Variants in PLEKHH2 observed in about 807,000 individuals in gnomAD.
PLEKHH2 encodes the protein pleckstrin homology, MyTH4 and FERM domain containing H2.
A neutral mutation model predicts 187.9 loss-of-function variants in PLEKHH2; 129 were observed. The observed-to-expected ratio is 0.69, with a 90% CI of 0.59 to 0.79. PLEKHH2 has a LOEUF of 0.79. PLEKHH2 is among the 30% of genes least tolerant of loss of function. The probability of loss-of-function intolerance (pLI) is 0.00; values close to 1 mark genes in which losing one functional copy is unlikely to be tolerated. For missense variants in PLEKHH2, 2,076 were observed against 1,751.2 expected, an observed-to-expected ratio of 1.19 and a Z score of -3.31; for synonymous variants, 686 against 605.6, an observed-to-expected ratio of 1.13 and a Z score of -1.95.
In PLEKHH2 at chr2:43,758,912, G is replaced by T. The variant is rs943378862; in HGVS notation, c.3954G>T (p.Gln1318His). ...CSEEQLRQLC[Q>H]RLSTRWMALR... Reference sequence around the variant, plus strand: ...TCTTTTTTTTTAGGCAGCTTTGCCAGCGACTTTCAACCAGATGGATGGCCC... The same window carrying T: ...TCTTTTTTTTTAGGCAGCTTTGCCATCGACTTTCAACCAGATGGATGGCCC... Residue 1318 changes from glutamine to histidine, a missense_variant, in exon 27 of 30, where the codon CAG (glutamine) becomes CAT (histidine). Coordinates refer to ENST00000282406, the MANE Select transcript of PLEKHH2 (RefSeq NM_172069.4). 1 of 1,577,306 alleles carries T rather than the reference G, an allele frequency of 6.3e-7. No individual in the cohort carries two copies. The highest frequency in any genetic ancestry group is 1.4e-5 in the African/African-American group (1 of 73,198).
Position 43,726,271 on chromosome 2 carries a change from G to A in PLEKHH2, c.2542-1G>A. On this transcript the variant is annotated splice_acceptor_variant, in intron 16 of 29. Transcript: ENST00000282406. LOFTEE classifies it high-confidence loss of function. Reference sequence around the variant, plus strand: ...CTCACAATTACTAATATTTACTTTAGTTTCCTTTAGGTCAGATCAAACTCT... The same window carrying A: ...CTCACAATTACTAATATTTACTTTAATTTCCTTTAGGTCAGATCAAACTCT... 6.3e-7 allele frequency: 1 copy of A among 1,592,348 alleles called. No homozygotes were observed. The highest frequency in any genetic ancestry group is 8.6e-7 in the Non-Finnish European group (1 of 1,164,100).
chr2:43,649,684 C>T (rs548905525), intron 2 of PLEKHH2, among the ~76,000 whole-genome samples: 3 of 152,158 alleles, frequency 2.0e-5, no homozygotes, highest in Non-Finnish European at 4.4e-5. Flanking sequence ...ACAATGGGAC[C>T]GTATAGGCTA....
At chr2:43,667,581 C>G (rs913672510) in intron 2 of PLEKHH2, among the ~76,000 whole-genome samples, 1 of 152,068 alleles carries the variant, frequency 6.6e-6, no homozygotes, top group African/African-American at 2.4e-5. Context: ...TTGGTATATC[C>G]GTATAGTGGA....
At chr2:43,707,323 C>A in intron 10 of PLEKHH2, 78 bp from the exon 11 acceptor site, 2 of 1,558,424 alleles carry the variant, frequency 1.3e-6, no homozygotes, top group Admixed American at 1.7e-5. Context: ...GGAGGCGACC[C>A]TAATAACTAG....
intron 23 of PLEKHH2, among the ~76,000 whole-genome samples, chr2:43,744,372 A>C (rs138482401): frequency 3.3e-5 from 5 of 152,214 alleles, no homozygotes; most frequent in Non-Finnish European, 7.3e-5. Context: ...TGGGGAATAC[A>C]AAAGGACCAG....
intron 23 of PLEKHH2, among the ~76,000 whole-genome samples, chr2:43,744,883 A>AG (rs1318927774): frequency 4.1e-5 from 6 of 147,710 alleles, no homozygotes; most frequent in African/African-American, 1.5e-4. Flanking sequence ...AAAAAAAAAA[A>AG]AAAAGAAAAA....
intron 7 of PLEKHH2, 69 bp from the exon 8 acceptor site, chr2:43,699,578 A>T: frequency 1.3e-6 from 2 of 1,521,764 alleles, no homozygotes; most frequent in Non-Finnish European, 1.8e-6. Context: ...GTGTAGCTAC[A>T]TAAAGCTAAA....
chr2:43,697,455 TC>T lies in PLEKHH2; in HGVS notation c.688+100del, dbSNP rs374740060. 7.7e-4 allele frequency: 764 copies of T among 995,624 alleles called. 6 individuals are homozygous for T. In the African/African-American group the frequency reaches 0.012, roughly 16 times the overall value. The allele number at this position is 995,624 out of a possible 1,614,324, so 61.7% of individuals were successfully genotyped here. ...TATAGCTTAATTTTCCTTATTTTTT[TC>T]TGACAATTTGATGTTTTATGAGAAT... On this transcript the variant is annotated intron_variant, in intron 7 of 29. Transcript: ENST00000282406.
At chr2:43,659,802 G>A (rs566685152) in intron 2 of PLEKHH2, among the ~76,000 whole-genome samples, 8 of 151,940 alleles carry the variant, frequency 5.3e-5, no homozygotes, top group South Asian at 4.2e-4. Context: ...CAAGTGATCC[G>A]CCTGCCTTGT....
At chr2:43,685,585 A>G (rs1572553437) in intron 3 of PLEKHH2, among the ~76,000 whole-genome samples, 1 of 147,358 alleles carries the variant, frequency 6.8e-6, no homozygotes, top group Admixed American at 6.8e-5. Flanking sequence ...GTGCCACCAC[A>G]CCCAGTTAAT....
At chr2:43,670,584 A>G (rs1219383564) in intron 2 of PLEKHH2, among the ~76,000 whole-genome samples, 1 of 151,954 alleles carries the variant, frequency 6.6e-6, no homozygotes, top group Non-Finnish European at 1.5e-5. Context: ...ACTATTGGCA[A>G]TTTTATAAGT....
Position 43,722,935 on chromosome 2 carries a change from A to AT in PLEKHH2, c.2541+2192dup, listed in dbSNP as rs1490063422. Among the ~76,000 whole-genome samples, 4 of 152,186 alleles carry AT rather than the reference A, an allele frequency of 2.6e-5. No homozygotes were observed. In the East Asian group the frequency reaches 7.7e-4, roughly 29 times the overall value. ...ATGTGAATCATTATAGGCCTACTTC[A>AT]TTTTTTGCTATAAATATTTCCAAAA... On this transcript the variant is annotated intron_variant, in intron 16 of 29. Coordinates refer to ENST00000282406, the MANE Select transcript of PLEKHH2 (RefSeq NM_172069.4).
At chr2:43,718,559 T>C (rs550368487) in intron 15 of PLEKHH2, among the ~76,000 whole-genome samples, 42 of 152,044 alleles carry the variant, frequency 2.8e-4, no homozygotes, top group African/African-American at 9.9e-4. Context: ...AAAATTCTAA[T>C]ACAAGATTTA....
In PLEKHH2 at chr2:43,698,385, C is replaced by G. The variant is rs1040298063; in HGVS notation, c.688+1029C>G. Among the ~76,000 whole-genome samples, 8 of 151,916 alleles carry G rather than the reference C, an allele frequency of 5.3e-5. No individual in the cohort carries two copies. The East Asian group carries it at 1.6e-3, about 29-fold the overall frequency. ...ACCTCAGCATCCCTAGTAGCCAGGA[C>G]TATAGACACATGCCACCATGCCTAG... On this transcript the variant is annotated intron_variant, in intron 7 of 29. Transcript: ENST00000282406.
Position 43,757,226 on chromosome 2 carries a change from T to C in PLEKHH2, c.3903T>C (p.Pro1301=). ...AGCAAGTCATAGAGAAATTTTATCC[T>C]AAAAGGTATAGAGATGGCTGTTCTG... ...TLKQVIEKFY[P]KRYRDGCSEE... is the part of the protein sequence containing the mutation. The change falls in exon 26 of 30, where the codon CCT becomes CCC. Residue 1301 remains proline (P), a synonymous_variant. Coordinates refer to ENST00000282406, the MANE Select transcript of PLEKHH2 (RefSeq NM_172069.4). The C allele has an allele frequency of 6.2e-7, 1 of 1,602,002 alleles. No individual in the cohort carries two copies. Among genetic ancestry groups the C allele is most frequent in the Non-Finnish European group, 8.5e-7 (1 of 1,175,252 alleles).
At chr2:43,734,602 G>A (rs1671201558) in intron 19 of PLEKHH2, among the ~76,000 whole-genome samples, 1 of 152,258 alleles carries the variant, frequency 6.6e-6, no homozygotes, top group East Asian at 1.9e-4. Context: ...AGAAAATAAC[G>A]AATGCTGTGA....
chr2:43,748,793 G>C (rs1671883980), intron 24 of PLEKHH2, among the ~76,000 whole-genome samples: 1 of 149,546 alleles, frequency 6.7e-6, no homozygotes. Flanking sequence ...CTTCACCCTT[G>C]CTGCCCAGGC....
At chr2:43,760,922 G>T (rs1049784552) in intron 27 of PLEKHH2, among the ~76,000 whole-genome samples, 2 of 152,164 alleles carry the variant, frequency 1.3e-5, no homozygotes, top group Non-Finnish European at 2.9e-5. Context: ...ATTTCACTTA[G>T]TGTAATGTCT....
chr2:43,719,104 C>A (rs1011947204), intron 15 of PLEKHH2, among the ~76,000 whole-genome samples: 1 of 152,176 alleles, frequency 6.6e-6, no homozygotes, highest in African/African-American at 2.4e-5. Flanking sequence ...TGAGCCTCTG[C>A]ACTCTTGATG....
Sources: allele counts gnomAD v4.1 joint callset (sites outside exome capture counted in the v4.1 genomes callset), GRCh38; gene constraint gnomAD v4.1.1; transcripts MANE v1.5; gene names NCBI Gene and HGNC (gene_info 2026-07-23, HGNC 2026-07-21).